Variants in MYO15A observed in about 807,000 individuals in gnomAD.
MYO15A encodes unconventional myosin-XV.
In MYO15A, 308 loss-of-function variants were observed where a neutral mutation model predicts 394.6. That is an observed-to-expected ratio of 0.78 (90% CI 0.71 to 0.86). MYO15A has a LOEUF of 0.86. MYO15A is among the 40% of genes least tolerant of loss of function. The pLI, the probability that MYO15A is intolerant of heterozygous loss-of-function variation, is 0.00. For missense variants in MYO15A, 4,606 were observed against 4,799.1 expected (o/e 0.96, Z 1.19); for synonymous variants, 1,957 against 2,003.8 (o/e 0.98, Z 0.62).
chr17:18,117,304 A>G lies in MYO15A; in HGVS notation c.-219-1278A>G, dbSNP rs2045803617. On this transcript the variant is annotated intron_variant, in intron 1 of 65. Transcript: ENST00000647165. This position sits in a 1 kb window ranked among gnomAD's most constrained non-coding sequence, Gnocchi z 4.1. ...AGGCAGACAGAGAGGGGGAGACCTC[A>G]CTTGCTGCATGGTCCCCTCTCTGCT... 6.6e-6 allele frequency among the ~76,000 whole-genome samples: 1 copy of G among 152,136 alleles called. No homozygotes were observed. Among genetic ancestry groups the G allele is most frequent in the African/African-American group, 2.4e-5 (1 of 41,422 alleles).
chr17:18,163,093 G>A lies in MYO15A; in HGVS notation c.9613-151G>A, dbSNP rs1025846976. ...TCAGGTGCATTGCACTCAGGGGCTT[G>A]CAGACAGGCCCTGCGCGGTCCAGGT... On this transcript the variant is annotated intron_variant, in intron 58 of 65. Transcript: ENST00000647165. 7.7e-5 allele frequency: 63 copies of A among 814,222 alleles called. No homozygotes were observed. The African/African-American group carries it at 9.4e-4, about 12-fold the overall frequency. The allele number at this position is 814,222 out of a possible 1,614,324, so 50.4% of individuals were successfully genotyped here.
Position 18,153,960 on chromosome 17 carries a change from C to T in MYO15A, c.8088+64C>T. On this transcript the variant is annotated intron_variant, in intron 43 of 65. Transcript: ENST00000647165. The surrounding 1 kb of genome is among the most constrained non-coding windows in gnomAD (Gnocchi z 4.1). ...GGGGCAGGGGAGGGGCTGAAGCGAGCAGAGGAGGGTCTAGGACTTGGGGAG... is the reference window on the plus strand; with the variant it reads ...GGGGCAGGGGAGGGGCTGAAGCGAGTAGAGGAGGGTCTAGGACTTGGGGAG... The T allele has an allele frequency of 6.2e-7, 1 of 1,610,522 alleles. No individual in the cohort carries two copies. Among genetic ancestry groups the T allele is most frequent in the Non-Finnish European group, 8.5e-7 (1 of 1,178,338 alleles).
In MYO15A at chr17:18,150,398, G is replaced by C. The variant is rs1487451196; in HGVS notation, c.7213-31G>C. 2 of 1,592,764 alleles carry C rather than the reference G, an allele frequency of 1.3e-6. No individual in the cohort carries two copies. The highest frequency in any genetic ancestry group is 3.3e-5 in the Admixed American group (2 of 59,928). ...TGGAACCTTGGGAGTACAATAATGAGATGGTCACTTGAGCCACCCACTGCC... is the reference window on the plus strand; with the variant it reads ...TGGAACCTTGGGAGTACAATAATGACATGGTCACTTGAGCCACCCACTGCC... On this transcript the variant is annotated intron_variant, in intron 35 of 65. Coordinates refer to ENST00000647165, the MANE Select transcript of MYO15A (RefSeq NM_016239.4). This position sits in a 1 kb window ranked among gnomAD's most constrained non-coding sequence, Gnocchi z 4.4.
chr17:18,126,288 G>C (rs2046037972), intron 4 of MYO15A, 59 bp from the exon 5 acceptor site: 2 of 1,373,272 alleles, frequency 1.5e-6, no homozygotes, highest in Non-Finnish European at 2.1e-6. Context: ...GCATAGGGGA[G>C]GGAGGGACAT....
chr17:18,116,362 G>C (rs1026548160), intron 1 of MYO15A, among the ~76,000 whole-genome samples: 2 of 152,270 alleles, frequency 1.3e-5, no homozygotes, highest in African/African-American at 4.8e-5. Flanking sequence ...GGAGCTCAGC[G>C]GGCAGGAGGG....
rs2046541107 is a variant in MYO15A, at chr17:18,149,476, TC to T, written c.7118-6del. On this transcript the variant is annotated splice_polypyrimidine_tract_variant and intron_variant, in intron 34 of 65. Transcript: ENST00000647165. ...AAAAGAACTTGACATTTTTGTGCCTTCCCCTCCAGAGTCAGACAGTCTTGGA... is the reference window on the plus strand; with the variant it reads ...AAAAGAACTTGACATTTTTGTGCCTTCCCTCCAGAGTCAGACAGTCTTGGA... The T allele has an allele frequency of 1.2e-6, 2 of 1,614,104 alleles. No individual in the cohort carries two copies. The highest frequency in any genetic ancestry group is 1.7e-6 in the Non-Finnish European group (2 of 1,180,020).
At chr17:18,125,461 G>C in intron 4 of MYO15A, 2 of 542,880 alleles carry the variant, frequency 3.7e-6, no homozygotes, top group African/African-American at 1.9e-5. Context: ...TTGGGAGACC[G>C]AGGCAGGTGG....
rs780541808 is a variant in MYO15A, at chr17:18,153,867, G to T, written c.8059G>T (p.Ala2687Ser). The T allele has an allele frequency of 1.9e-6, 3 of 1,613,606 alleles. No individual in the cohort carries two copies. The highest frequency in any genetic ancestry group is 2.5e-6 in the Non-Finnish European group (3 of 1,180,000). The change falls in exon 43 of 66, where the codon GCC becomes TCC. Residue 2687 changes from alanine (A) to serine (S), a missense_variant. Coordinates refer to ENST00000647165, the MANE Select transcript of MYO15A (RefSeq NM_016239.4). This position sits in a 1 kb window ranked among gnomAD's most constrained non-coding sequence, Gnocchi z 4.1. The part of the protein sequence containing the change: ...INPNFYGYQD[A>S]PWKIFLRKEV... ...TCCCAACTTCTACGGCTATCAGGAC[G>T]CCCCCTGGAAGATCTTCCTGCGCAA... is the stretch of plus-strand genomic sequence containing the variant.
At chr17:18,157,997 CTGGCCAGGCTCTTGGGGCG>C in intron 51 of MYO15A, 97 bp downstream of exon 51, 3 of 1,415,258 alleles carry the variant, frequency 2.1e-6, no homozygotes, top group Non-Finnish European at 2.8e-6. Flanking sequence ...GGCCAAGGGC[CTGGCCAGGCTCTTGGGGCG>C]TGGCTGATCT....
chr17:18,144,481 C>T lies in MYO15A; in HGVS notation c.6178-16C>T, dbSNP rs1296389592. The T allele has an allele frequency of 6.2e-7, 1 of 1,610,280 alleles. No individual in the cohort carries two copies. The highest frequency in any genetic ancestry group is 1.1e-5 in the South Asian group (1 of 91,036). ...AGTCCAGCTCTGTCTGCTCATGTGC[C>T]TGCCCTGTGTCTTAGGAACCTGCCT... On this transcript the variant is annotated splice_polypyrimidine_tract_variant and intron_variant, in intron 28 of 65. Transcript: ENST00000647165.
In MYO15A at chr17:18,155,352, C is replaced by T. The variant is rs936008678; in HGVS notation, c.8379C>T (p.Ser2793=). Residue 2793 remains serine (S), a synonymous_variant, in exon 47 of 66, where the codon TCC becomes TCT. Coordinates refer to ENST00000647165, the MANE Select transcript of MYO15A (RefSeq NM_016239.4). ...CTGGTGTGCAGCTCCTAGCTGTGTC[C>T]CACGTGGGCATCAAACTCCTGAGGA... ...VGTGVQLLAV[S]HVGIKLLRMV... is the part of the protein sequence containing the mutation. The T allele has an allele frequency of 1.2e-6, 2 of 1,613,778 alleles. No individual in the cohort carries two copies. Among genetic ancestry groups the T allele is most frequent in the Non-Finnish European group, 1.7e-6 (2 of 1,180,030 alleles).
intron 59 of MYO15A, 34 bp downstream of exon 59, chr17:18,163,355 T>C: frequency 6.2e-7 from 1 of 1,604,778 alleles, no homozygotes; most frequent in Non-Finnish European, 8.5e-7. Flanking sequence ...AGCCAGGTAC[T>C]GGAGGGGCAG....
At chr17:18,111,112 G>A (rs1237044042) in intron 1 of MYO15A, among the ~76,000 whole-genome samples, 1 of 152,182 alleles carries the variant, frequency 6.6e-6, no homozygotes, top group Non-Finnish European at 1.5e-5. Flanking sequence ...GCTGAGGCAG[G>A]AATATTGCCC....
chr17:18,111,713 T>A (rs115811703), intron 1 of MYO15A, among the ~76,000 whole-genome samples: 182 of 152,274 alleles, frequency 1.2e-3, no homozygotes, highest in African/African-American at 4.2e-3. Flanking sequence ...CCAGACCTCC[T>A]CACTCAGAGC....
intron 42 of MYO15A, 70 bp downstream of exon 42, chr17:18,152,254 T>C (rs2046598961): frequency 6.9e-7 from 1 of 1,451,672 alleles, no homozygotes; most frequent in Non-Finnish European, 9.4e-7. Context: ...CACAGGTGAG[T>C]GTGTCGGTGG....
chr17:18,122,849 T>C, intron 2 of MYO15A: 1 of 167,314 alleles, frequency 6.0e-6, no homozygotes, highest in Non-Finnish European at 1.3e-5. Flanking sequence ...CTACTGACCC[T>C]CCCCCAAATT....
chr17:18,169,632 G>A (rs1460262861), intron 62 of MYO15A: 11 of 151,952 alleles, frequency 7.2e-5, no homozygotes, highest in East Asian at 3.8e-4. Context: ...GTAAGACTCC[G>A]TCTCAAAAAC....
At chr17:18,149,787 CAGTT>C (rs2046546250) in intron 35 of MYO15A, 14 of 631,898 alleles carry the variant, frequency 2.2e-5, no homozygotes, top group Non-Finnish European at 4.0e-5. Flanking sequence ...GAAGGACCCA[CAGTT>C]AGAAGTGCAC....
intron 34 of MYO15A, 27 bp from the exon 35 acceptor site, chr17:18,149,459 T>G: frequency 6.2e-7 from 1 of 1,614,110 alleles, no homozygotes. Context: ...AAAAAAGAAC[T>G]TGACATTTTT....
Sources: allele counts gnomAD v4.1 joint callset (sites outside exome capture counted in the v4.1 genomes callset), GRCh38; gene constraint gnomAD v4.1.1; non-coding constraint Gnocchi (gnomAD v3.1); transcripts MANE v1.5; gene names NCBI Gene and HGNC (gene_info 2026-07-23, HGNC 2026-07-21).